The following TTC27 variants were observed in gnomAD, a reference collection of about 807,000 sequenced individuals.
TTC27 encodes the protein tetratricopeptide repeat domain 27.
A neutral mutation model predicts 115.9 loss-of-function variants in TTC27; 79 were observed. The ratio of observed to expected loss-of-function variants is 0.68; its 90% CI spans 0.57 to 0.82. The LOEUF is 0.82. Ranked by LOEUF, TTC27 falls within the 40% of genes least tolerant of loss-of-function variation. The probability of loss-of-function intolerance (pLI) is 0.00; values close to 1 mark genes in which losing one functional copy is unlikely to be tolerated. For missense variants in TTC27, 1,054 were observed against 993.1 expected (o/e 1.06, Z -0.82); for synonymous variants, 401 against 356.0 (o/e 1.13, Z -1.42).
chr2:32,733,995 G>T, intron 11 of TTC27, 72 bp downstream of exon 11: 1 of 1,041,472 alleles, frequency 9.6e-7, no homozygotes. Flanking sequence ...ATAAATTGAT[G>T]ATTTTAATTT....
chr2:32,807,765 A>C (rs1193601120), intron 16 of TTC27, among the ~76,000 whole-genome samples: 1 of 151,678 alleles, frequency 6.6e-6, no homozygotes, highest in East Asian at 1.9e-4. Flanking sequence ...GATTATGGTC[A>C]CTCACCCTTA....
At chr2:32,769,395 A>T (rs1484818955) in intron 13 of TTC27, among the ~76,000 whole-genome samples, 2 of 152,218 alleles carry the variant, frequency 1.3e-5, no homozygotes, top group African/African-American at 2.4e-5. Flanking sequence ...GTAAAGGGTG[A>T]GTGATAGATG....
chr2:32,807,267 A>C (rs545833115), intron 16 of TTC27, among the ~76,000 whole-genome samples: 1 of 152,204 alleles, frequency 6.6e-6, no homozygotes, highest in Non-Finnish European at 1.5e-5. Flanking sequence ...TTACAAGCCA[A>C]ATAATAGTAA....
chr2:32,723,467 C>T (rs1222262857), intron 10 of TTC27, among the ~76,000 whole-genome samples: 1 of 152,010 alleles, frequency 6.6e-6, no homozygotes, highest in East Asian at 1.9e-4. Context: ...AGATGTTTTT[C>T]TCTCTCCCCA....
intron 2 of TTC27, among the ~76,000 whole-genome samples, chr2:32,632,774 C>T (rs990888284): frequency 6.6e-6 from 1 of 151,976 alleles, no homozygotes; most frequent in Non-Finnish European, 1.5e-5. Context: ...AATGAAACTC[C>T]AGGATTCCCT....
chr2:32,736,550 C>G (rs895644430), intron 11 of TTC27, 144 bp from the exon 12 acceptor site: 1 of 876,864 alleles, frequency 1.1e-6, no homozygotes, highest in Non-Finnish European at 1.7e-6. Context: ...TTATTACAAA[C>G]TTCTAAATAG....
Position 32,640,326 on chromosome 2 carries a change from C to T in TTC27, c.453C>T (p.Ile151=). 6.2e-7 allele frequency: 1 copy of T among 1,614,072 alleles called. No individual in the cohort carries two copies. Among genetic ancestry groups the T allele is most frequent in the Non-Finnish European group, 8.5e-7 (1 of 1,179,986 alleles). Residue 151 remains isoleucine, a synonymous_variant, in exon 4 of 20, where the codon ATC becomes ATT. Transcript: ENST00000317907. ...LSLLTLDGES[I]YSLTSKPILL... is the part of the protein sequence containing the mutation. ...TGCTCACTCTAGATGGTGAATCAATCTACAGCCTGACCTCGAAGCCTATAC... is the reference window on the plus strand; with the variant it reads ...TGCTCACTCTAGATGGTGAATCAATTTACAGCCTGACCTCGAAGCCTATAC...
chr2:32,695,390 C>G (rs1239777885), intron 9 of TTC27, among the ~76,000 whole-genome samples: 12 of 152,088 alleles, frequency 7.9e-5, no homozygotes, highest in Non-Finnish European at 4.4e-5. Context: ...TCAAAACCAG[C>G]CTGGCCAACA....
In TTC27 at chr2:32,777,866, C is replaced by T; in HGVS notation, c.1681-16C>T. 6.2e-7 allele frequency: 1 copy of T among 1,612,652 alleles called. No homozygotes were observed. The highest frequency in any genetic ancestry group is 8.5e-7 in the Non-Finnish European group (1 of 1,179,212). On this transcript the variant is annotated splice_polypyrimidine_tract_variant and intron_variant, in intron 13 of 19. Transcript: ENST00000317907. ...TTTCTGTGTGTTTGAATGACTTTGA[C>T]TTTTGGTCTTTGCAGCTCGGGGTGT...
chr2:32,748,063 A>G (rs960311759), intron 12 of TTC27, among the ~76,000 whole-genome samples: 2 of 151,668 alleles, frequency 1.3e-5, no homozygotes, highest in African/African-American at 4.8e-5. Context: ...TATTGATTTG[A>G]GAACTTTTTT....
At chr2:32,736,959 T>G in intron 12 of TTC27, 143 bp downstream of exon 12, 1 of 1,183,688 alleles carries the variant, frequency 8.4e-7, no homozygotes, top group Non-Finnish European at 1.1e-6. Context: ...CTTTTAAATG[T>G]TTTCTCTGAT....
intron 10 of TTC27, among the ~76,000 whole-genome samples, chr2:32,732,916 C>T (rs756478572): frequency 2.6e-5 from 4 of 152,120 alleles, no homozygotes; most frequent in Non-Finnish European, 4.4e-5. Flanking sequence ...CATGATAATT[C>T]TCAGTTGAGA....
intron 1 of TTC27, among the ~76,000 whole-genome samples, chr2:32,629,055 C>A (rs1048139104): frequency 6.6e-6 from 1 of 151,748 alleles, no homozygotes. Flanking sequence ...CCACCGCGCC[C>A]GGGTCTGGTT....
chr2:32,721,621 T>TC lies in TTC27; in HGVS notation c.1234-12207_1234-12206insC, dbSNP rs1407385500. Among the ~76,000 whole-genome samples the TC allele has an allele frequency of 5.2e-4, 51 of 98,600 alleles. No individual in the cohort carries two copies. The Middle Eastern group carries it at 0.017, about 33-fold the overall frequency. 64.7% of individuals were successfully genotyped at this position (98,600 alleles called of 152,430 possible). A position where few individuals can be genotyped will look rare whatever the true frequency, so the allele number is the denominator to read the frequency against. On this transcript the variant is annotated intron_variant, in intron 10 of 19. Coordinates refer to ENST00000317907, the MANE Select transcript of TTC27 (RefSeq NM_017735.5). Reference sequence around the variant, plus strand: ...CTTCACTTTTCTTTCTCTCTCTCTCTTTTTTTTTTTTTTTTTCTTTTAGAG... The same window carrying TC: ...CTTCACTTTTCTTTCTCTCTCTCTCTCTTTTTTTTTTTTTTTTCTTTTAGAG...
At chr2:32,657,874 G>A (rs900502056) in intron 5 of TTC27, among the ~76,000 whole-genome samples, 1 of 151,438 alleles carries the variant, frequency 6.6e-6, no homozygotes, top group African/African-American at 2.4e-5. Flanking sequence ...TTTTTGCTCA[G>A]GCTGGAGTGC....
chr2:32,732,511 C>T (rs1358126543), intron 10 of TTC27, among the ~76,000 whole-genome samples: 1 of 152,198 alleles, frequency 6.6e-6, no homozygotes, highest in African/African-American at 2.4e-5. Flanking sequence ...AAACTGGTCT[C>T]CCTGTCTTAG....
chr2:32,666,107 G>C (rs1339360232), intron 6 of TTC27, among the ~76,000 whole-genome samples: 1 of 152,050 alleles, frequency 6.6e-6, no homozygotes, highest in East Asian at 1.9e-4. Flanking sequence ...TTTTCTTAAA[G>C]TGGTTTGAAA....
intron 5 of TTC27, among the ~76,000 whole-genome samples, chr2:32,656,812 C>T (rs533320349): frequency 6.6e-6 from 1 of 152,130 alleles, no homozygotes; most frequent in Non-Finnish European, 1.5e-5. Flanking sequence ...TTATGGGTTT[C>T]CCCCTCTGCT....
chr2:32,646,557 GT>G (rs369232306), intron 4 of TTC27, among the ~76,000 whole-genome samples: 266 of 114,484 alleles, frequency 2.3e-3, no homozygotes, highest in African/African-American at 7.1e-3. Context: ...TCTATATTTG[GT>G]TTTTTTTTTT....
Sources: allele counts gnomAD v4.1 joint callset (sites outside exome capture counted in the v4.1 genomes callset), GRCh38; gene constraint gnomAD v4.1.1; transcripts MANE v1.5; gene names NCBI Gene and HGNC (gene_info 2026-07-23, HGNC 2026-07-21).